The following NRXN3 variants were observed in gnomAD, a reference collection of about 807,000 sequenced individuals.
The protein encoded by NRXN3 is neurexin 3, also known as neurexin III.
In NRXN3, 32 loss-of-function variants were observed where a neutral mutation model predicts 137.6. The observed-to-expected ratio is 0.23, with a 90% CI of 0.18 to 0.31. The LOEUF is 0.31. Among genes scored for constraint, NRXN3 ranks in the 10% least tolerant of loss-of-function variants. NRXN3 has a pLI of 1.00. For missense variants in NRXN3, 1,574 were observed against 2,062.5 expected (o/e 0.76, Z 4.59); for synonymous variants, 798 against 784.5 (o/e 1.02, Z -0.29).
At chr14:79,358,486 A>T (rs1361845102) in intron 15 of NRXN3, among the ~76,000 whole-genome samples, 11 of 149,088 alleles carry the variant, frequency 7.4e-5, no homozygotes, top group African/African-American at 2.7e-4. Flanking sequence ...AGGCGGGAGA[A>T]TGGTGTGAAC....
rs10667477 is a variant in NRXN3 at position 79,358,607 on chromosome 14, G to GAAAGATAAAGAAAGAAAGAA, written c.3263-108613_3263-108612insAAGATAAAGAAAGAAAGAAA. Among the ~76,000 whole-genome samples the GAAAGATAAAGAAAGAAAGAA allele has an allele frequency of 1.1e-3, 87 of 79,984 alleles. 3 individuals carry two copies. The highest frequency in any genetic ancestry group is 2.0e-3 in the Admixed American group (13 of 6,356). The allele number at this position is 79,984 out of a possible 152,430, so 52.5% of individuals were successfully genotyped here. ...AGAGAGAAAGAAAGAAAGAAAGAAAGAGAAAGAAAGAAAGAAAGAAAGAAA... is the reference window on the plus strand; with the variant it reads ...AGAGAGAAAGAAAGAAAGAAAGAAAGAAAGATAAAGAAAGAAAGAAAGAAAGAAAGAAAGAAAGAAAGAAA... On this transcript the variant is annotated intron_variant, in intron 15 of 20. Coordinates refer to ENST00000335750, the MANE Select transcript of NRXN3 (RefSeq NM_001330195.2).
chr14:79,054,626 C>G (rs1308811050), intron 15 of NRXN3, among the ~76,000 whole-genome samples: 1 of 152,160 alleles, frequency 6.6e-6, no homozygotes, highest in African/African-American at 2.4e-5. Context: ...GCTGAGCAAA[C>G]CCCAGCTGGA....
At chr14:78,324,699 G>T (rs960579892) in intron 4 of NRXN3, among the ~76,000 whole-genome samples, 2 of 152,074 alleles carry the variant, frequency 1.3e-5, no homozygotes, top group Non-Finnish European at 2.9e-5. Context: ...GTATGCAGTG[G>T]ATGTAATATA....
intron 4 of NRXN3, among the ~76,000 whole-genome samples, chr14:78,548,399 G>T (rs1397219803): frequency 6.6e-6 from 1 of 152,154 alleles, no homozygotes; most frequent in African/African-American, 2.4e-5. Flanking sequence ...GGAGATAAAA[G>T]CTTCTTAGGA....
chr14:79,774,029 C>A (rs965861331), intron 19 of NRXN3, among the ~76,000 whole-genome samples: 3 of 152,060 alleles, frequency 2.0e-5, no homozygotes, highest in Admixed American at 6.5e-5. Context: ...TGGGTAGATA[C>A]AAAAGAACCC....
intron 1 of NRXN3, among the ~76,000 whole-genome samples, chr14:78,230,791 C>T (rs2065288246): frequency 6.6e-6 from 1 of 152,032 alleles, no homozygotes; most frequent in South Asian, 2.1e-4. Context: ...CAGACCGTGG[C>T]CATGTGGGGT....
At chr14:79,502,613 G>A (rs2096836879) in intron 16 of NRXN3, among the ~76,000 whole-genome samples, 1 of 149,474 alleles carries the variant, frequency 6.7e-6, no homozygotes, top group Non-Finnish European at 1.5e-5. Context: ...TATGTTCTGT[G>A]CAGTTGGCCT....
At position 78,660,148 on chromosome 14, in the gene NRXN3, G is replaced by A. The variant is rs1054635858; in HGVS notation, c.1221+8822G>A. Among the ~76,000 whole-genome samples the A allele has an allele frequency of 3.9e-5, 6 of 151,912 alleles. No individual in the cohort carries two copies. The East Asian group carries it at 7.8e-4, about 20-fold the overall frequency. On this transcript the variant is annotated intron_variant, in intron 6 of 20. Transcript: ENST00000335750. ...AGGTCTCAAAGATCTTTGGTGTTTC[G>A]GTGCTGTGACAGACAGAGAGTAGTT...
At chr14:79,451,632 C>T (rs1341129822) in intron 15 of NRXN3, among the ~76,000 whole-genome samples, 1 of 152,120 alleles carries the variant, frequency 6.6e-6, no homozygotes, top group Non-Finnish European at 1.5e-5. Flanking sequence ...GCAGGTAGAC[C>T]TTTTGAGCTT....
chr14:78,829,825 G>T (rs1447086817), intron 10 of NRXN3, among the ~76,000 whole-genome samples: 1 of 152,124 alleles, frequency 6.6e-6, no homozygotes, highest in Non-Finnish European at 1.5e-5. Flanking sequence ...CCTCAGTTAA[G>T]TAGAATGTGA....
chr14:78,521,512 G>A (rs933830026), intron 4 of NRXN3, among the ~76,000 whole-genome samples: 1 of 152,092 alleles, frequency 6.6e-6, no homozygotes, highest in African/African-American at 2.4e-5. Context: ...CTGAAGCCCA[G>A]GGTTAATTTT....
intron 4 of NRXN3, among the ~76,000 whole-genome samples, chr14:78,320,483 G>C (rs1010424325): frequency 1.1e-4 from 16 of 152,170 alleles, no homozygotes. Flanking sequence ...TCTCGGCTTT[G>C]AGGAAATTGA....
chr14:79,490,409 A>C (rs2096705324), intron 16 of NRXN3, among the ~76,000 whole-genome samples: 1 of 152,220 alleles, frequency 6.6e-6, no homozygotes, highest in Admixed American at 6.5e-5. Context: ...GAATGGAAGC[A>C]ACCTAAGTGT....
intron 19 of NRXN3, among the ~76,000 whole-genome samples, chr14:79,777,571 A>G (rs2099100882): frequency 6.6e-6 from 1 of 152,104 alleles, no homozygotes; most frequent in African/African-American, 2.4e-5. Flanking sequence ...TCACAAGGCA[A>G]AAATTACTTT....
At chr14:78,866,451 C>T (rs1029782919) in intron 10 of NRXN3, among the ~76,000 whole-genome samples, 5 of 152,282 alleles carry the variant, frequency 3.3e-5, no homozygotes, top group Admixed American at 6.5e-5. Context: ...GAAGCAGTGA[C>T]ACAAGCTATC....
intron 15 of NRXN3, among the ~76,000 whole-genome samples, chr14:79,225,016 G>A (rs1458518975): frequency 6.6e-6 from 1 of 152,132 alleles, no homozygotes; most frequent in Non-Finnish European, 1.5e-5. Context: ...CAAGGAGGCT[G>A]CTGAACCCAG....
intron 4 of NRXN3, among the ~76,000 whole-genome samples, chr14:78,513,730 A>C (rs764544848): frequency 7.2e-5 from 11 of 152,128 alleles, no homozygotes; most frequent in Non-Finnish European, 1.3e-4. Flanking sequence ...TCAGCTCGTG[A>C]GCTCATAGAC....
intron 15 of NRXN3, among the ~76,000 whole-genome samples, chr14:79,121,338 C>T (rs1476395782): frequency 6.6e-6 from 1 of 152,150 alleles, no homozygotes; most frequent in Non-Finnish European, 1.5e-5. Flanking sequence ...AAGCCATATG[C>T]TCTTTGCTGG....
At chr14:78,272,170 A>G (rs970669069) in intron 2 of NRXN3, among the ~76,000 whole-genome samples, 1 of 152,050 alleles carries the variant, frequency 6.6e-6, no homozygotes, top group African/African-American at 2.4e-5. Context: ...CTGAGGCAAG[A>G]CTATACATGG....
Sources: allele counts gnomAD v4.1 joint callset (sites outside exome capture counted in the v4.1 genomes callset), GRCh38; gene constraint gnomAD v4.1.1; transcripts MANE v1.5; gene names NCBI Gene and HGNC (gene_info 2026-07-23, HGNC 2026-07-21).